Variants in GRK5 observed in about 807,000 individuals in gnomAD.
GRK5 encodes the protein g protein-coupled receptor kinase GRK5.
Under a neutral mutation model 78.4 loss-of-function variants are expected in GRK5, and 40 were observed. The ratio of observed to expected loss-of-function variants is 0.51; its 90% confidence interval spans 0.40 to 0.66. The LOEUF is 0.66. Ranked by LOEUF, GRK5 falls within the 30% of genes least tolerant of loss-of-function variation. GRK5 has a pLI of 0.00. For synonymous variants in GRK5, 289 were observed against 296.8 expected (o/e 0.97, Z 0.27); for missense variants, 598 against 759.9 (o/e 0.79, Z 2.50).
In GRK5 at chr10:119,336,826, A is replaced by G. The variant is rs563982146; in HGVS notation, c.148+10215A>G. ...TCTGCTTGTCCTTGGAGGGCGAAAT[A>G]AATTTAGATGTGTCGGGTTTGGAAC... On this transcript the variant is annotated intron_variant, in intron 2 of 15. Transcript: ENST00000392870. The surrounding 1 kb of genome is among the most constrained non-coding windows in gnomAD (Gnocchi z 4.5). 4.1e-4 allele frequency among the ~76,000 whole-genome samples: 62 copies of G among 152,278 alleles called. No individual in the cohort carries two copies. Among genetic ancestry groups the G allele is most frequent in the African/African-American group, 1.3e-3 (55 of 41,556 alleles).
At chr10:119,373,167 T>C (rs1014045464) in intron 2 of GRK5, among the ~76,000 whole-genome samples, 7 of 152,194 alleles carry the variant, frequency 4.6e-5, no homozygotes, top group African/African-American at 1.4e-4. Flanking sequence ...CCGTGATGGA[T>C]TGGAAATTTA....
At chr10:119,388,733 G>A (rs1402430160) in intron 3 of GRK5, among the ~76,000 whole-genome samples, 1 of 152,218 alleles carries the variant, frequency 6.6e-6, no homozygotes, top group East Asian at 1.9e-4. Flanking sequence ...ATGGCTTTGC[G>A]ATGTGCTGTT....
At chr10:119,329,218 ATG>A (rs1850726510) in intron 2 of GRK5, among the ~76,000 whole-genome samples, 1 of 152,194 alleles carries the variant, frequency 6.6e-6, no homozygotes. Context: ...TATTTTATTC[ATG>A]TGTTTCTCAA....
rs910659860 is a variant in GRK5, at chr10:119,379,054, C to T, written c.149-1761C>T. ...TCAGCTCCCCTTTTAGATTCAGAGG[C>T]TTGGGTTGAATTGGTGCAGACTGGG... On this transcript the variant is annotated intron_variant, in intron 2 of 15. Transcript: ENST00000392870. This position sits in a 1 kb window ranked among gnomAD's most constrained non-coding sequence, Gnocchi z 4.1. Among the ~76,000 whole-genome samples, 2 of 152,138 alleles carry T rather than the reference C, an allele frequency of 1.3e-5. No individual in the cohort carries two copies. The highest frequency in any genetic ancestry group is 6.5e-5 in the Admixed American group (1 of 15,284).
intron 2 of GRK5, among the ~76,000 whole-genome samples, chr10:119,341,390 G>A (rs187943182): frequency 6.6e-6 from 1 of 152,270 alleles, no homozygotes; most frequent in Non-Finnish European, 1.5e-5. Flanking sequence ...CACCCCTGCC[G>A]CTCATCTCCT....
chr10:119,216,782 A>G (rs1474906053), intron 1 of GRK5, among the ~76,000 whole-genome samples: 2 of 152,176 alleles, frequency 1.3e-5, no homozygotes, highest in East Asian at 1.9e-4. Flanking sequence ...GTGAAAACCC[A>G]TCTCTACTAA....
chr10:119,252,117 G>A (rs746507100), intron 1 of GRK5, among the ~76,000 whole-genome samples: 2 of 152,188 alleles, frequency 1.3e-5, no homozygotes, highest in Non-Finnish European at 2.9e-5. Flanking sequence ...GCTGGCCTGC[G>A]TGGCGTGCTC....
chr10:119,380,160 TA>T (rs990817625), intron 2 of GRK5, among the ~76,000 whole-genome samples: 18 of 152,342 alleles, frequency 1.2e-4, no homozygotes, highest in African/African-American at 3.8e-4. Flanking sequence ...CAAACTGCCC[TA>T]AACAAGGAGA....
chr10:119,358,459 G>A (rs1360143404), intron 2 of GRK5, among the ~76,000 whole-genome samples: 2 of 152,104 alleles, frequency 1.3e-5, no homozygotes, highest in Admixed American at 6.5e-5. Flanking sequence ...CCCTCCACCC[G>A]GCAGCCTGGC....
chr10:119,333,188 C>G (rs1850812161), intron 2 of GRK5: 1 of 152,290 alleles, frequency 6.6e-6, no homozygotes, highest in African/African-American at 2.4e-5. Context: ...TTTGCTGTAC[C>G]CATTTAACCT....
At chr10:119,244,954 T>C (rs1849081566) in intron 1 of GRK5, among the ~76,000 whole-genome samples, 1 of 152,164 alleles carries the variant, frequency 6.6e-6, no homozygotes, top group Non-Finnish European at 1.5e-5. Flanking sequence ...TACCACATGG[T>C]CCAGCAATCT....
intron 2 of GRK5, among the ~76,000 whole-genome samples, chr10:119,362,814 C>T (rs148864404): frequency 2.8e-4 from 42 of 152,276 alleles, no homozygotes; most frequent in African/African-American, 9.9e-4. Context: ...TCTGTATCTC[C>T]CAAGCCACGG....
At chr10:119,263,078 G>A (rs1338890610) in intron 1 of GRK5, among the ~76,000 whole-genome samples, 1 of 152,076 alleles carries the variant, frequency 6.6e-6, no homozygotes. Context: ...CGCGATCTCA[G>A]CTCACTGCAA....
intron 1 of GRK5, among the ~76,000 whole-genome samples, chr10:119,240,391 C>T (rs182879839): frequency 3.3e-4 from 50 of 151,484 alleles, no homozygotes; most frequent in East Asian, 1.4e-3. Flanking sequence ...TTAGTAGAGA[C>T]GGGGTTTCAC....
chr10:119,354,788 T>A (rs111348534), intron 2 of GRK5, among the ~76,000 whole-genome samples: 1 of 152,152 alleles, frequency 6.6e-6, no homozygotes. Context: ...TTATGAGGAT[T>A]TTTTTCAACC....
Position 119,448,203 on chromosome 10 carries a change from G to A in GRK5, c.1347G>A (p.Arg449=). 1 of 1,592,436 alleles carries A rather than the reference G, an allele frequency of 6.3e-7. No homozygotes were observed. The highest frequency in any genetic ancestry group is 1.1e-5 in the South Asian group (1 of 87,942). ...AGGTCAAGAGACACCCCTTCTTCAGGAACATGAACTTCAAGCGCTTAGAAG... is the reference window on the plus strand; with the variant it reads ...AGGTCAAGAGACACCCCTTCTTCAGAAACATGAACTTCAAGCGCTTAGAAG... ...AAEVKRHPFF[R]NMNFKRLEAG... The change falls in exon 13 of 16, where the codon AGG becomes AGA. Residue 449 remains arginine, a synonymous_variant. Coordinates refer to ENST00000392870, the MANE Select transcript of GRK5 (RefSeq NM_005308.3).
intron 4 of GRK5, among the ~76,000 whole-genome samples, chr10:119,419,144 A>G (rs1457435727): frequency 6.6e-6 from 1 of 152,152 alleles, no homozygotes; most frequent in Non-Finnish European, 1.5e-5. Context: ...ACCGCCCACC[A>G]GCCAGGCATC....
intron 1 of GRK5, among the ~76,000 whole-genome samples, chr10:119,301,228 C>T (rs1049011533): frequency 1.3e-5 from 2 of 152,218 alleles, no homozygotes; most frequent in African/African-American, 4.8e-5. Context: ...CAGGACCCTC[C>T]GGGAGCCCCT....
rs996363540 is a variant in GRK5, at chr10:119,326,740, C to A, written c.148+129C>A. Reference sequence around the variant, plus strand: ...AGTGAGGCAAATGCCAATCAGTGGACACAGTATTGTGCTTCCAGGTAGGGG... The same window carrying A: ...AGTGAGGCAAATGCCAATCAGTGGAAACAGTATTGTGCTTCCAGGTAGGGG... On this transcript the variant is annotated intron_variant, in intron 2 of 15. Coordinates refer to ENST00000392870, the MANE Select transcript of GRK5 (RefSeq NM_005308.3). 15 of 708,070 alleles carry A rather than the reference C, an allele frequency of 2.1e-5. No homozygotes were observed. The Admixed American group carries it at 3.2e-4, about 15-fold the overall frequency. 43.9% of individuals were successfully genotyped at this position (708,070 alleles called of 1,614,324 possible). A position where few individuals can be genotyped will look rare whatever the true frequency, so the allele number is the denominator to read the frequency against.
Sources: gnomAD v4.1 joint callset for allele counts (sites outside exome capture counted in the v4.1 genomes callset) on GRCh38, gnomAD v4.1.1 for gene constraint, Gnocchi (gnomAD v3.1) non-coding constraint, MANE v1.5 for transcripts, NCBI Gene and HGNC (gene_info 2026-07-23, HGNC 2026-07-21) for gene names.